TCAF1: variants seen among roughly 807,000 people sequenced by gnomAD.
The protein encoded by TCAF1 is TRPM8 channel-associated factor 1.
In TCAF1, 4 loss-of-function variants were observed where a neutral mutation model predicts 27.3. The ratio of observed to expected loss-of-function variants is 0.15; its 90% CI spans 0.07 to 0.34. The LOEUF is 0.34. TCAF1 is among the 10% of genes least tolerant of loss of function. TCAF1 has a pLI of 1.00. For missense variants in TCAF1, 257 were observed against 425.8 expected, an observed-to-expected ratio of 0.60 and a Z score of 3.49; for synonymous variants, 105 against 167.1, an observed-to-expected ratio of 0.63 and a Z score of 2.87.
At chr7:143,896,439 T>C (rs1306671097) in intron 1 of TCAF1, among the ~76,000 whole-genome samples, 1 of 151,900 alleles carries the variant, frequency 6.6e-6, no homozygotes, top group East Asian at 1.9e-4. Flanking sequence ...CTCAAGCAAA[T>C]AAAAAGTTAA....
chr7:143,859,897 T>A lies in TCAF1; in HGVS notation c.2167+311A>T, dbSNP rs1483810652. ...CATATATACATATATATAATATATA[T>A]TATATAATATATATTACGGAATATA... is the stretch of plus-strand genomic sequence containing the variant. On this transcript the variant is annotated intron_variant, in intron 6 of 8. Transcript: ENST00000479870. 9.7e-3 allele frequency among the ~76,000 whole-genome samples: 649 copies of A among 66,980 alleles called. 21 individuals are homozygous for A. The highest frequency in any genetic ancestry group is 0.019 in the South Asian group (34 of 1,764). The allele number at this position is 66,980 out of a possible 152,430, so 43.9% of individuals were successfully genotyped here. A position where few individuals can be genotyped will look rare whatever the true frequency, so the allele number is the denominator to read the frequency against.
intron 1 of TCAF1, chr7:143,886,644 C>G: frequency 2.6e-6 from 1 of 390,692 alleles, no homozygotes; most frequent in Non-Finnish European, 3.5e-6. Context: ...ACCTCCTGTG[C>G]TGTAAGTAAG....
chr7:143,885,654 T>A, intron 1 of TCAF1: 2 of 702,564 alleles, frequency 2.8e-6, no homozygotes, highest in Non-Finnish European at 3.5e-6. Context: ...TTAAATCTAC[T>A]TATATAAATC....
At position 143,876,059 on chromosome 7, in the gene TCAF1, T is replaced by C. The variant is rs752633024; in HGVS notation, c.550A>G (p.Thr184Ala). The C allele has an allele frequency of 4.4e-6, 7 of 1,608,672 alleles. No homozygotes were observed. In the South Asian group the frequency reaches 7.7e-5, roughly 18 times the overall value. The change falls in exon 2 of 9, where the codon ACT becomes GCT. Residue 184 changes from threonine (T) to alanine (A), a missense_variant. This residue lies in a region of TCAF1 where 255 missense variants were observed against 260.1 expected (regional missense o/e 0.98). Transcript: ENST00000479870. ...AAACTCGTGTCCCCTTTGTTGTCAG[T>C]AAAGTAAATGCCAGCCACACTGGTC... Reference protein sequence around the residue: ...LVTSVAGIYFTDNKGDTSFFK... With the variant: ...LVTSVAGIYFADNKGDTSFFK...
At chr7:143,898,698 A>C (rs1813994401) in intron 1 of TCAF1, among the ~76,000 whole-genome samples, 1 of 152,220 alleles carries the variant, frequency 6.6e-6, no homozygotes, top group Admixed American at 6.5e-5. Context: ...GTCATATACC[A>C]TGTTCATTGA....
At chr7:143,894,638 T>C (rs932112300) in intron 1 of TCAF1, among the ~76,000 whole-genome samples, 1 of 151,704 alleles carries the variant, frequency 6.6e-6, no homozygotes, top group Non-Finnish European at 1.5e-5. Flanking sequence ...TTTTGTGACC[T>C]AGAGGTAGGC....
chr7:143,891,960 C>T (rs1325309803), intron 1 of TCAF1, among the ~76,000 whole-genome samples: 1 of 151,902 alleles, frequency 6.6e-6, no homozygotes, highest in Non-Finnish European at 1.5e-5. Context: ...CAACAGAATT[C>T]CTAAAAGATG....
intron 1 of TCAF1, chr7:143,885,376 T>C (rs1813347533): frequency 9.1e-6 from 9 of 984,672 alleles, no homozygotes; most frequent in South Asian, 9.4e-5. Flanking sequence ...CGGTTGGGGG[T>C]TGGGGCGTCC....
intron 7 of TCAF1, among the ~76,000 whole-genome samples, chr7:143,857,570 A>G (rs1811593101): frequency 6.6e-6 from 1 of 152,310 alleles, no homozygotes; most frequent in Non-Finnish European, 1.5e-5. Context: ...TTCAACACCA[A>G]GTGGATACTA....
intron 1 of TCAF1, among the ~76,000 whole-genome samples, chr7:143,901,702 T>G (rs576875761): frequency 6.6e-6 from 1 of 152,272 alleles, no homozygotes; most frequent in South Asian, 2.1e-4. Flanking sequence ...AATGGCTCCT[T>G]GCGGAGCAAA....
chr7:143,901,676 T>C (rs1375220257), intron 1 of TCAF1, among the ~76,000 whole-genome samples: 1 of 152,200 alleles, frequency 6.6e-6, no homozygotes, highest in Non-Finnish European at 1.5e-5. Flanking sequence ...CGAGGGTTCC[T>C]GCTAGCTCAG....
chr7:143,886,925 T>C (rs560163955), intron 1 of TCAF1, among the ~76,000 whole-genome samples: 1 of 150,622 alleles, frequency 6.6e-6, no homozygotes, highest in East Asian at 2.0e-4. Flanking sequence ...CAGACTGGTC[T>C]TGAAGTCCTG....
At chr7:143,896,200 C>T (rs1813864828) in intron 1 of TCAF1, among the ~76,000 whole-genome samples, 1 of 151,258 alleles carries the variant, frequency 6.6e-6, no homozygotes, top group African/African-American at 2.4e-5. Flanking sequence ...AGGCAAAAAC[C>T]AAAGAAACCT....
At chr7:143,890,224 G>A (rs1299101684) in intron 1 of TCAF1, among the ~76,000 whole-genome samples, 3 of 151,712 alleles carry the variant, frequency 2.0e-5, no homozygotes, top group South Asian at 2.1e-4. Flanking sequence ...GGATGGTCTC[G>A]ATTTCCTGAC....
intron 1 of TCAF1, among the ~76,000 whole-genome samples, chr7:143,883,119 T>C (rs1376418042): frequency 6.6e-6 from 1 of 152,196 alleles, no homozygotes; most frequent in Non-Finnish European, 1.5e-5. Flanking sequence ...CTGAGCAAAT[T>C]GTGGGACAAA....
At chr7:143,886,684 C>T (rs1054893616) in intron 1 of TCAF1, among the ~76,000 whole-genome samples, 31 of 146,322 alleles carry the variant, frequency 2.1e-4, no homozygotes, top group African/African-American at 7.6e-4. Context: ...TCTTTTAATG[C>T]TTCCTCAAAT....
At chr7:143,886,031 C>A (rs894808686) in intron 1 of TCAF1, among the ~76,000 whole-genome samples, 6 of 152,228 alleles carry the variant, frequency 3.9e-5, no homozygotes, top group Non-Finnish European at 8.8e-5. Flanking sequence ...TAGTTCTGAT[C>A]CATGTTATTT....
At chr7:143,885,608 T>C (rs1045816596) in intron 1 of TCAF1, 17 of 956,294 alleles carry the variant, frequency 1.8e-5, no homozygotes, top group Non-Finnish European at 5.0e-6. Context: ...TGATGATCTC[T>C]GTGTAAAATA....
rs1219697344 is a variant in TCAF1, at chr7:143,860,006, A to AT, written c.2167+201dup. On this transcript the variant is annotated intron_variant, in intron 6 of 8. Transcript: ENST00000479870. ...TTATATAATATATATTATATAATATATATATAATATATATTATATATTATA... is the reference window on the plus strand; with the variant it reads ...TTATATAATATATATTATATAATATATTATATAATATATATTATATATTATA... Among the ~76,000 whole-genome samples the AT allele has an allele frequency of 6.2e-3, 168 of 27,292 alleles. 17 individuals are homozygous for AT. The highest frequency in any genetic ancestry group is 0.012 in the Middle Eastern group (1 of 84). 17.9% of individuals were successfully genotyped at this position (27,292 alleles called of 152,430 possible).
Sources: allele counts gnomAD v4.1 joint callset (sites outside exome capture counted in the v4.1 genomes callset), GRCh38; gene constraint gnomAD v4.1.1; regional missense constraint gnomAD v4.1.1; transcripts MANE v1.5; gene names NCBI Gene and HGNC (gene_info 2026-07-23, HGNC 2026-07-21).